ANK2: variants seen among roughly 807,000 people sequenced by gnomAD.
ANK2 encodes the protein ankyrin-2.
ANK2 carries 83 observed loss-of-function variants against 360.5 expected under a neutral mutation model. The observed-to-expected ratio is 0.23, with a 90% CI of 0.19 to 0.28. ANK2 has a LOEUF of 0.28. ANK2 is among the 10% of genes least tolerant of loss of function. ANK2 has a pLI of 1.00. For missense variants in ANK2, 4,201 were observed against 4,795.7 expected, an observed-to-expected ratio of 0.88 and a Z score of 3.66; for synonymous variants, 1,740 against 1,759.5, an observed-to-expected ratio of 0.99 and a Z score of 0.28.
chr4:112,815,338 A>G (rs190651777), upstream of ANK2, among the ~76,000 whole-genome samples: 4 of 152,382 alleles, frequency 2.6e-5, no homozygotes, highest in East Asian at 1.9e-4. Flanking sequence ...TGACTTGAAC[A>G]TAATAGGTGT....
chr4:113,015,478 A>G (rs765705773), intron 2 of ANK2, among the ~76,000 whole-genome samples: 2 of 152,230 alleles, frequency 1.3e-5, no homozygotes, highest in Non-Finnish European at 2.9e-5. Flanking sequence ...CTGCCTACTG[A>G]ATCTTCAATT....
chr4:113,312,707 G>T (rs1312275454), intron 24 of ANK2, among the ~76,000 whole-genome samples: 1 of 152,162 alleles, frequency 6.6e-6, no homozygotes. Context: ...CCTTAACAAG[G>T]TCTTGAGCAA....
chr4:112,956,853 A>T (rs573841041), intron 2 of ANK2, among the ~76,000 whole-genome samples: 5 of 152,216 alleles, frequency 3.3e-5, no homozygotes, highest in African/African-American at 1.2e-4. Flanking sequence ...GAAGAGAATG[A>T]AGTGGGTAAA....
chr4:112,864,537 C>T (rs2069473492), intron 1 of ANK2, among the ~76,000 whole-genome samples: 3 of 151,844 alleles, frequency 2.0e-5, no homozygotes, highest in Admixed American at 6.6e-5. Flanking sequence ...CTCGAACTAC[C>T]GACCTCAGGC....
Position 113,354,611 on chromosome 4 carries a change from A to G in ANK2, c.5993A>G (p.Gln1998Arg). The change falls in exon 38 of 46, where the codon CAG becomes CGG. Residue 1998 changes from glutamine (Q) to arginine (R), a missense_variant. Physicochemically the swap from Gln to Arg is conservative, Grantham distance 43 (BLOSUM62 1). Around this residue, in one of 4 missense-constraint regions of ANK2, gnomAD observed 2,642 missense variants for 2,714.5 expected, o/e 0.97. Coordinates refer to ENST00000357077, the MANE Select transcript of ANK2 (RefSeq NM_001148.6). The stretch of plus-strand genomic sequence containing the variant: ...GTTCGGGAGCTGATGAAGGCTTTCC[A>G]GTCAGGTCAGGACCCTTCTAAACAT... ...MSVRELMKAF[Q>R]SGQDPSKHKT... 6.2e-7 allele frequency: 1 copy of G among 1,614,052 alleles called. No homozygotes were observed. Among genetic ancestry groups the G allele is most frequent in the Non-Finnish European group, 8.5e-7 (1 of 1,179,966 alleles).
chr4:113,237,744 G>A, intron 7 of ANK2, 122 bp downstream of exon 7: 1 of 922,446 alleles, frequency 1.1e-6, no homozygotes, highest in Non-Finnish European at 1.8e-6. Context: ...AAATTAATTT[G>A]AAAACCTTCC....
At position 113,155,313 on chromosome 4, in the gene ANK2, C is replaced by A. The variant is rs2154398645; in HGVS notation, c.85-19103C>A. On this transcript the variant is annotated intron_variant, in intron 1 of 45. Coordinates refer to ENST00000357077, the MANE Select transcript of ANK2 (RefSeq NM_001148.6). Reference sequence around the variant, plus strand: ...CATTTTATATACTAGGAAATTGAGGCTTTTTTGAGTTCAGGTATTTCCTCA... The same window carrying A: ...CATTTTATATACTAGGAAATTGAGGATTTTTTGAGTTCAGGTATTTCCTCA... Among the ~76,000 whole-genome samples the A allele has an allele frequency of 1.3e-5, 2 of 152,182 alleles. 1 individual carries two copies. The highest frequency in any genetic ancestry group is 4.1e-4 in the South Asian group (2 of 4,820).
chr4:113,062,989 C>T (rs2074165585), intron 1 of ANK2, among the ~76,000 whole-genome samples: 1 of 152,042 alleles, frequency 6.6e-6, no homozygotes, highest in African/African-American at 2.4e-5. Context: ...GTGCTAATAT[C>T]AATTTAGGTG....
chr4:113,374,788 T>C, intron 45 of ANK2: 1 of 1,159,366 alleles, frequency 8.6e-7, no homozygotes, highest in Non-Finnish European at 1.1e-6. Flanking sequence ...GCCCAGCATT[T>C]TGTCCAGTAC....
At chr4:113,198,021 A>G (rs1160553604) in intron 3 of ANK2, among the ~76,000 whole-genome samples, 7 of 152,138 alleles carry the variant, frequency 4.6e-5, no homozygotes, top group African/African-American at 1.7e-4. Flanking sequence ...TCTTTTTAGT[A>G]ATAGCCATTC....
chr4:113,163,872 A>G (rs1448163719), intron 1 of ANK2, among the ~76,000 whole-genome samples: 1 of 151,138 alleles, frequency 6.6e-6, no homozygotes, highest in African/African-American at 2.4e-5. Flanking sequence ...GGTTTTTAGT[A>G]TGTTCACAGA....
the ANK2 span, among the ~76,000 whole-genome samples, chr4:112,776,779 C>T: frequency 1.3e-5 from 2 of 152,160 alleles, no homozygotes; most frequent in Admixed American, 6.6e-5. Context: ...CTATCAGGGA[C>T]ACAGGAAGTT....
intron 2 of ANK2, among the ~76,000 whole-genome samples, chr4:112,931,823 G>A (rs2093273097): frequency 6.6e-6 from 1 of 152,094 alleles, no homozygotes; most frequent in African/African-American, 2.4e-5. Context: ...AATAGGAATT[G>A]CACATTTTAA....
At chr4:112,737,182 G>C in the ANK2 span, among the ~76,000 whole-genome samples, 1 of 152,336 alleles carries the variant, frequency 6.6e-6, no homozygotes, top group South Asian at 2.1e-4. Flanking sequence ...TGCATACAAA[G>C]TGCTGTGCAC....
chr4:113,321,702 G>A (rs2086370538), intron 26 of ANK2, among the ~76,000 whole-genome samples: 1 of 151,746 alleles, frequency 6.6e-6, no homozygotes, highest in Admixed American at 6.6e-5. Flanking sequence ...TAATTGGGTG[G>A]ATTCTTAAGC....
intron 26 of ANK2, chr4:113,323,670 T>C (rs2087807577): frequency 1.6e-6 from 2 of 1,253,942 alleles, no homozygotes; most frequent in Non-Finnish European, 2.3e-6. Flanking sequence ...AAGGTATTGG[T>C]GTATAAATAA....
At chr4:113,302,663 C>A in intron 22 of ANK2, 104 bp from the exon 23 acceptor site, 1 of 878,032 alleles carries the variant, frequency 1.1e-6, no homozygotes, top group Non-Finnish European at 1.9e-6. Flanking sequence ...AGTCATGGCT[C>A]GATGGCTTGC....
the ANK2 span, among the ~76,000 whole-genome samples, chr4:112,783,691 A>C: frequency 6.7e-6 from 1 of 150,368 alleles, no homozygotes; most frequent in African/African-American, 2.5e-5. Context: ...TCGCTCTGTC[A>C]CCCAGGTTGG....
intron 18 of ANK2, among the ~76,000 whole-genome samples, chr4:113,285,419 G>T (rs1175620165): frequency 6.6e-6 from 1 of 152,124 alleles, no homozygotes; most frequent in East Asian, 1.9e-4. Flanking sequence ...CTGACCTACT[G>T]GCTTCAAGTT....
Sources: allele counts gnomAD v4.1 joint callset (sites outside exome capture counted in the v4.1 genomes callset), GRCh38; gene constraint gnomAD v4.1.1; regional missense constraint gnomAD v4.1.1; transcripts MANE v1.5; gene names NCBI Gene and HGNC (gene_info 2026-07-23, HGNC 2026-07-21).